The following ASB15 variants were observed in gnomAD, a reference collection of about 807,000 sequenced individuals.
ASB15 encodes ankyrin repeat and SOCS box containing 15.
ASB15 carries 54 observed loss-of-function variants against 58.0 expected under a neutral mutation model. That is an observed-to-expected ratio of 0.93 (90% confidence interval 0.75 to 1.17). The LOEUF is 1.17. Ranked by LOEUF, ASB15 falls within the 50% of genes most tolerant of loss-of-function variation. ASB15 has a pLI of 0.00. For synonymous variants in ASB15, 249 were observed against 262.4 expected, an observed-to-expected ratio of 0.95 and a Z score of 0.50; for missense variants, 680 against 707.4, an observed-to-expected ratio of 0.96 and a Z score of 0.44.
intron 9 of ASB15, among the ~76,000 whole-genome samples, chr7:123,628,062 C>T (rs979332991): frequency 2.6e-5 from 4 of 152,164 alleles, no homozygotes; most frequent in Non-Finnish European, 2.9e-5. Context: ...GTTCTCCTTG[C>T]CTGTGACTCT....
At chr7:123,581,285 T>A (rs1254742244) in intron 1 of ASB15, among the ~76,000 whole-genome samples, 3 of 151,926 alleles carry the variant, frequency 2.0e-5, no homozygotes, top group African/African-American at 4.8e-5. Context: ...TCCTAACACT[T>A]TGAATTCAAA....
chr7:123,615,822 C>G (rs1423384274), intron 4 of ASB15, among the ~76,000 whole-genome samples: 1 of 152,140 alleles, frequency 6.6e-6, no homozygotes, highest in African/African-American at 2.4e-5. Context: ...AGAGATCTTT[C>G]TATTAATTCC....
At chr7:123,584,256 G>A (rs1385515893) in intron 1 of ASB15, among the ~76,000 whole-genome samples, 1 of 146,398 alleles carries the variant, frequency 6.8e-6, no homozygotes, top group Non-Finnish European at 1.5e-5. Context: ...AGGCTGCAGT[G>A]AGCTATGATC....
rs1802510374 is a variant in ASB15 at position 123,637,968 on chromosome 7, T to C, written c.*987T>C. The C allele has an allele frequency of 6.7e-6, 1 of 148,970 alleles. No individual in the cohort carries two copies. The highest frequency in any genetic ancestry group is 2.5e-5 in the African/African-American group (1 of 40,280). The allele number at this position is 148,970 out of a possible 1,614,324, so 9.2% of individuals were successfully genotyped here. ...TTTCCAAAGAAAAAAGCCTGGACAT[T>C]AGGTTTGACCATCCCATTTTCCTCA... is the stretch of plus-strand genomic sequence containing the variant. On this transcript the variant is annotated 3_prime_UTR_variant, in exon 12 of 12. Coordinates refer to ENST00000451215, the MANE Select transcript of ASB15 (RefSeq NM_001290258.2).
rs144702607 is a variant in ASB15 at position 123,612,986 on chromosome 7, T to C, written c.-2-1515T>C. On this transcript the variant is annotated intron_variant, in intron 3 of 11. Transcript: ENST00000451215. ...TGAATAAGATCTCTAGGGTGCCTTTTGAGGAGACTGAGATACCACAGTGTC... is the reference window on the plus strand; with the variant it reads ...TGAATAAGATCTCTAGGGTGCCTTTCGAGGAGACTGAGATACCACAGTGTC... Among the ~76,000 whole-genome samples, 18 of 151,982 alleles carry C rather than the reference T, an allele frequency of 1.2e-4. 1 individual carries two copies. The East Asian group carries it at 3.5e-3, about 29-fold the overall frequency.
At chr7:123,593,918 A>G (rs897005039) in intron 1 of ASB15, among the ~76,000 whole-genome samples, 6 of 152,148 alleles carry the variant, frequency 3.9e-5, no homozygotes, top group East Asian at 3.9e-4. Flanking sequence ...AGGTACACCA[A>G]TCAAACATAG....
intron 1 of ASB15, among the ~76,000 whole-genome samples, chr7:123,583,669 G>A (rs1226131059): frequency 2.0e-5 from 3 of 151,926 alleles, no homozygotes; most frequent in Non-Finnish European, 4.4e-5. Flanking sequence ...AGAAGGCACA[G>A]GAAAGAGGAG....
chr7:123,577,625 G>A (rs1799100701), intron 1 of ASB15, among the ~76,000 whole-genome samples: 2 of 152,046 alleles, frequency 1.3e-5, no homozygotes, highest in African/African-American at 4.8e-5. Flanking sequence ...GGTCCTCTTA[G>A]AAATTGATCA....
chr7:123,570,627 T>C (rs1341839091), intron 1 of ASB15, among the ~76,000 whole-genome samples: 9 of 152,188 alleles, frequency 5.9e-5, no homozygotes, highest in Admixed American at 1.3e-4. Flanking sequence ...TGACTCACCT[T>C]GACAAATTAT....
At chr7:123,617,472 A>T (rs1405653888) in intron 6 of ASB15, 107 bp from the exon 7 acceptor site, 2 of 1,017,164 alleles carry the variant, frequency 2.0e-6, no homozygotes, top group Admixed American at 5.1e-5. Flanking sequence ...ATTTTCATCA[A>T]TTGACTTTGT....
chr7:123,582,324 G>A lies in ASB15; in HGVS notation c.-443+15236G>A, dbSNP rs141176830. Among the ~76,000 whole-genome samples, 53 of 152,014 alleles carry A rather than the reference G, an allele frequency of 3.5e-4. No homozygotes were observed. The East Asian group carries it at 8.1e-3, about 23-fold the overall frequency. ...CCAAAGGGAGTGAGTGCTTCAGAATGTTAAGACTCCACAGATGGCCTTTAG... is the reference window on the plus strand; with the variant it reads ...CCAAAGGGAGTGAGTGCTTCAGAATATTAAGACTCCACAGATGGCCTTTAG... On this transcript the variant is annotated intron_variant, in intron 1 of 13. Coordinates refer to the ASB15 transcript ENST00000451558.
chr7:123,617,258 C>T (rs1268078484), intron 6 of ASB15, among the ~76,000 whole-genome samples: 1 of 151,928 alleles, frequency 6.6e-6, no homozygotes, highest in Non-Finnish European at 1.5e-5. Flanking sequence ...CACAAAAAAA[C>T]AATTTCAGTT....
At chr7:123,602,646 T>A (rs1363531591) in intron 1 of ASB15, among the ~76,000 whole-genome samples, 2 of 152,204 alleles carry the variant, frequency 1.3e-5, no homozygotes, top group African/African-American at 4.8e-5. Flanking sequence ...CTTCAGTTAT[T>A]TTATGAGAAT....
chr7:123,589,191 A>C (rs1478732258), intron 1 of ASB15, among the ~76,000 whole-genome samples: 1 of 151,708 alleles, frequency 6.6e-6, no homozygotes, highest in Non-Finnish European at 1.5e-5. Context: ...AACTCTTAAT[A>C]TTTCCTTACT....
At chr7:123,592,636 T>C (rs1488201814) in intron 1 of ASB15, among the ~76,000 whole-genome samples, 2 of 152,220 alleles carry the variant, frequency 1.3e-5, no homozygotes, top group Non-Finnish European at 2.9e-5. Context: ...TTGATTGCAC[T>C]GTGGTCTGAG....
chr7:123,614,103 T>C (rs6967828), intron 3 of ASB15: 13,246 of 166,876 alleles, frequency 0.079, 620 homozygotes, highest in African/African-American at 0.13. Flanking sequence ...TTATCCATCT[T>C]ACCCTCATTG....
At chr7:123,630,974 T>G (rs935821180) in intron 11 of ASB15, among the ~76,000 whole-genome samples, 1 of 152,098 alleles carries the variant, frequency 6.6e-6, no homozygotes, top group Non-Finnish European at 1.5e-5. Flanking sequence ...GCCCAGAAAT[T>G]GAGCTCTGGG....
chr7:123,575,058 T>TC (rs1037439753), intron 1 of ASB15, among the ~76,000 whole-genome samples: 4 of 124,994 alleles, frequency 3.2e-5, no homozygotes, highest in African/African-American at 6.3e-5. Flanking sequence ...CAGGTATGTT[T>TC]CCTTTTTTTT....
intron 1 of ASB15, among the ~76,000 whole-genome samples, chr7:123,596,724 ACT>A (rs1310489662): frequency 3.3e-5 from 5 of 152,204 alleles, no homozygotes; most frequent in Non-Finnish European, 1.5e-5. Flanking sequence ...TATAGTATGT[ACT>A]GTTAAAATGC....
Sources: gnomAD v4.1 joint callset for allele counts (sites outside exome capture counted in the v4.1 genomes callset) on GRCh38, gnomAD v4.1.1 for gene constraint, MANE v1.5 for transcripts, NCBI Gene and HGNC (gene_info 2026-07-23, HGNC 2026-07-21) for gene names.